NRXN2: variants seen among roughly 807,000 people sequenced by gnomAD.
NRXN2 encodes neurexin-2-beta.
Under a neutral mutation model 128.8 loss-of-function variants are expected in NRXN2, and 29 were observed. The ratio of observed to expected loss-of-function variants is 0.23; its 90% CI spans 0.17 to 0.31. The LOEUF is 0.31. NRXN2 is among the 10% of genes least tolerant of loss of function. NRXN2 has a pLI of 1.00. For missense variants in NRXN2, 1,881 were observed against 2,452.6 expected (o/e 0.77, Z 4.92); for synonymous variants, 1,098 against 1,075.2 (o/e 1.02, Z -0.41).
chr11:64,633,591 G>A (rs1251956515), intron 18 of NRXN2, among the ~76,000 whole-genome samples: 3 of 152,138 alleles, frequency 2.0e-5, no homozygotes, highest in Non-Finnish European at 4.4e-5. Context: ...GGGAAACCCA[G>A]TCACACCCCG....
rs371163163 is a variant in NRXN2, at chr11:64,617,136, T to C, written c.4252+3158A>G. On this transcript the variant is annotated intron_variant, in intron 22 of 22. Coordinates refer to ENST00000265459, the MANE Select transcript of NRXN2 (RefSeq NM_015080.4). ...GTGCCTCTGTTGGTCTAGGTACAAA[T>C]AGTGTGTGCTCCTCTAGGTTTGAAC... 5.3e-4 allele frequency among the ~76,000 whole-genome samples: 81 copies of C among 152,052 alleles called. No homozygotes were observed. In the East Asian group the frequency reaches 8.3e-3, roughly 16 times the overall value.
intron 17 of NRXN2, among the ~76,000 whole-genome samples, chr11:64,640,691 G>T (rs1220751253): frequency 1.3e-5 from 2 of 152,128 alleles, no homozygotes; most frequent in Non-Finnish European, 2.9e-5. Flanking sequence ...ACTGTATTCG[G>T]GATGAGAGAA....
chr11:64,721,931 C>T (rs2057442871), intron 1 of NRXN2, among the ~76,000 whole-genome samples: 1 of 152,024 alleles, frequency 6.6e-6, no homozygotes, highest in African/African-American at 2.4e-5. Flanking sequence ...AAGAAAAAGC[C>T]CCTCCCAGCC....
At chr11:64,668,326 C>G in intron 8 of NRXN2, 117 bp downstream of exon 8, 3 of 1,319,980 alleles carry the variant, frequency 2.3e-6, no homozygotes, top group Non-Finnish European at 3.2e-6. Context: ...TGTCTCCCAC[C>G]ATGGACTTGG....
chr11:64,650,748 A>T, intron 14 of NRXN2, 110 bp from the exon 15 acceptor site: 1 of 1,057,756 alleles, frequency 9.5e-7, no homozygotes. Context: ...GGGAAGAGGG[A>T]TTGAAAGGGA....
chr11:64,660,866 A>G lies in NRXN2; in HGVS notation c.2072T>C (p.Leu691Pro). Residue 691 changes from leucine to proline, a missense_variant, in exon 10 of 23, where the codon CTG becomes CCG. Around this residue, in one of 7 missense-constraint regions of NRXN2, gnomAD observed 997 missense variants for 1,240.8 expected, o/e 0.80. Transcript: ENST00000265459. The surrounding 1 kb of genome is among the most constrained non-coding windows in gnomAD (Gnocchi z 5.2). ...GVAPFCSRETLKQCASAPCRN... is the reference protein window; with the variant it reads ...GVAPFCSRETPKQCASAPCRN... ...ACAGGGGGCAGATGCACACTGCTTC[A>G]GCGTCTCCCGGGAGCAAAAGGGGGC... 6.2e-7 allele frequency: 1 copy of G among 1,613,874 alleles called. No homozygotes were observed. Among genetic ancestry groups the G allele is most frequent in the Non-Finnish European group, 8.5e-7 (1 of 1,179,868 alleles).
intron 2 of NRXN2, among the ~76,000 whole-genome samples, chr11:64,710,957 A>G (rs2056830024): frequency 3.3e-5 from 5 of 152,190 alleles, no homozygotes; most frequent in Admixed American, 3.3e-4. Context: ...AAAGGGTGAG[A>G]AGGTGTCAGC....
intron 2 of NRXN2, among the ~76,000 whole-genome samples, chr11:64,699,544 C>T (rs939333187): frequency 2.7e-5 from 4 of 150,124 alleles, no homozygotes; most frequent in Non-Finnish European, 2.9e-5. Context: ...GATTCTCCTG[C>T]CTCAGCCTCC....
intron 2 of NRXN2, among the ~76,000 whole-genome samples, chr11:64,703,892 A>G (rs1402453253): frequency 6.6e-6 from 1 of 152,246 alleles, no homozygotes; most frequent in African/African-American, 2.4e-5. Flanking sequence ...CTTACAGAGT[A>G]GGACGTTGAA....
At chr11:64,658,386 C>A (rs1045902983) in intron 11 of NRXN2, among the ~76,000 whole-genome samples, 3 of 152,352 alleles carry the variant, frequency 2.0e-5, no homozygotes, top group African/African-American at 2.4e-5. Flanking sequence ...GAGCATTGTG[C>A]AGACTTGTGG....
At chr11:64,687,015 G>A (rs2053151849) in intron 5 of NRXN2, among the ~76,000 whole-genome samples, 1 of 152,196 alleles carries the variant, frequency 6.6e-6, no homozygotes, top group African/African-American at 2.4e-5. Flanking sequence ...TATGAAGTCA[G>A]GACAAACCAG....
In NRXN2 at chr11:64,631,855, C is replaced by A. The variant is rs1246273468; in HGVS notation, c.3586-1282G>T. Among the ~76,000 whole-genome samples the A allele has an allele frequency of 6.6e-6, 1 of 152,180 alleles. No homozygotes were observed. The highest frequency in any genetic ancestry group is 1.5e-5 in the Non-Finnish European group (1 of 68,030). On this transcript the variant is annotated intron_variant, in intron 18 of 22. Transcript: ENST00000265459. The surrounding 1 kb of genome is among the most constrained non-coding windows in gnomAD (Gnocchi z 4.8). The stretch of plus-strand genomic sequence containing the variant: ...CCTGAGCCCCTGTTTCACTTCCCTG[C>A]ACCTCCCAGCAGCACTCCTGAACGC...
intron 2 of NRXN2, among the ~76,000 whole-genome samples, chr11:64,711,689 A>G (rs1464160734): frequency 1.3e-5 from 2 of 152,018 alleles, no homozygotes; most frequent in African/African-American, 2.4e-5. Flanking sequence ...CGCCCTGTCC[A>G]GCCCAGCAAT....
intron 17 of NRXN2, among the ~76,000 whole-genome samples, chr11:64,642,198 G>T (rs574505780): frequency 6.6e-6 from 1 of 152,166 alleles, no homozygotes; most frequent in African/African-American, 2.4e-5. Flanking sequence ...GGAAGGCAGA[G>T]CTGCACGGAG....
chr11:64,619,615 T>G (rs2042020156), intron 22 of NRXN2, among the ~76,000 whole-genome samples: 1 of 152,010 alleles, frequency 6.6e-6, no homozygotes. Context: ...GCTCTCCTCC[T>G]ACAGCAGCTC....
rs1236250105 is a variant in NRXN2, at chr11:64,648,089, C to T, written c.3403+130G>A. ...CACAGCTCCCCTGGGACTCTGCAGA[C>T]AAGGGATGAGAAGGAAGAAGCAGCA... On this transcript the variant is annotated intron_variant, in intron 17 of 22. Coordinates refer to ENST00000265459, the MANE Select transcript of NRXN2 (RefSeq NM_015080.4). This position sits in a 1 kb window ranked among gnomAD's most constrained non-coding sequence, Gnocchi z 4.1. The T allele has an allele frequency of 7.5e-6, 10 of 1,337,716 alleles. No homozygotes were observed. The highest frequency in any genetic ancestry group is 1.9e-4 in the Middle Eastern group (1 of 5,158). 82.9% of individuals were successfully genotyped at this position (1,337,716 alleles called of 1,614,324 possible).
At chr11:64,654,613 G>A (rs1173905299) in intron 11 of NRXN2, among the ~76,000 whole-genome samples, 1 of 152,208 alleles carries the variant, frequency 6.6e-6, no homozygotes, top group Non-Finnish European at 1.5e-5. Flanking sequence ...CCAGGGCCCT[G>A]AAGCCTCTGG....
Position 64,713,001 on chromosome 11 carries a change from G to A in NRXN2, c.699C>T (p.His233=). Reference sequence around the variant, plus strand: ...TGCAGAACTTGCCGCCGAAGCCCGTGTGGCTGCAGTCGCAGCCCACCTCGC... The same window carrying A: ...TGCAGAACTTGCCGCCGAAGCCCGTATGGCTGCAGTCGCAGCCCACCTCGC... ...APGEVGCDCS[H]TGFGGKFCSE... is the part of the protein sequence containing the mutation. The change falls in exon 2 of 23, where the codon CAC becomes CAT. Residue 233 remains histidine, a synonymous_variant. Coordinates refer to ENST00000265459, the MANE Select transcript of NRXN2 (RefSeq NM_015080.4). 6.7e-7 allele frequency: 1 copy of A among 1,492,280 alleles called. No individual in the cohort carries two copies. Among genetic ancestry groups the A allele is most frequent in the Non-Finnish European group, 8.9e-7 (1 of 1,125,860 alleles). 92.4% of individuals were successfully genotyped at this position (1,492,280 alleles called of 1,614,324 possible).
chr11:64,685,081 C>T (rs1409852833), intron 6 of NRXN2, among the ~76,000 whole-genome samples: 1 of 152,170 alleles, frequency 6.6e-6, no homozygotes, highest in Non-Finnish European at 1.5e-5. Flanking sequence ...ATGCCACCAC[C>T]TCACTGGCTC....
Sources: gnomAD v4.1 joint callset for allele counts (sites outside exome capture counted in the v4.1 genomes callset) on GRCh38, gnomAD v4.1.1 for gene constraint, gnomAD v4.1.1 regional missense constraint, Gnocchi (gnomAD v3.1) non-coding constraint, MANE v1.5 for transcripts, NCBI Gene and HGNC (gene_info 2026-07-23, HGNC 2026-07-21) for gene names.